Variants in CPB1 observed in about 807,000 individuals in gnomAD.
CPB1 encodes the protein carboxypeptidase B.
Under a neutral mutation model 51.4 loss-of-function variants are expected in CPB1, and 53 were observed. That is an observed-to-expected ratio of 1.03 (90% CI 0.83 to 1.30). CPB1 has a LOEUF of 1.30. Among genes scored for constraint, CPB1 ranks in the 50% most tolerant of loss-of-function variants. CPB1 has a pLI of 0.00. For missense variants in CPB1, 494 were observed against 516.2 expected (o/e 0.96, Z 0.42); for synonymous variants, 189 against 186.9 (o/e 1.01, Z -0.09).
intron 10 of CPB1, among the ~76,000 whole-genome samples, chr3:148,858,067 G>A (rs1417528701): frequency 1.3e-5 from 2 of 152,126 alleles, no homozygotes; most frequent in African/African-American, 4.8e-5. Context: ...AGGAAGGAGG[G>A]AGATCAGGGC....
intron 2 of CPB1, among the ~76,000 whole-genome samples, chr3:148,831,543 A>T (rs1712738788): frequency 6.6e-6 from 1 of 152,098 alleles, no homozygotes; most frequent in South Asian, 2.1e-4. Flanking sequence ...TCCTGGAAAA[A>T]TTTCAGGTTG....
At position 148,834,601 on chromosome 3, in the gene CPB1, A is replaced by G. The variant is rs1018254136; in HGVS notation, c.251A>G (p.Lys84Arg). ...ACTGTCACTGTGGAGAATGTTCTAA[A>G]GCAGAATGAACTACAATACAAGTAA... is the stretch of plus-strand genomic sequence containing the variant. ...EDTVTVENVLKQNELQYKVLI... is the reference protein window; with the variant it reads ...EDTVTVENVLRQNELQYKVLI... The change falls in exon 3 of 11, where the codon AAG becomes AGG. Residue 84 changes from lysine (K) to arginine (R), a missense_variant. Coordinates refer to ENST00000282957, the MANE Select transcript of CPB1 (RefSeq NM_001871.3). 1 of 1,611,568 alleles carries G rather than the reference A, an allele frequency of 6.2e-7. No individual in the cohort carries two copies. Among genetic ancestry groups the G allele is most frequent in the African/African-American group, 1.3e-5 (1 of 75,018 alleles).
At chr3:148,858,172 A>G (rs1030050282) in intron 10 of CPB1, among the ~76,000 whole-genome samples, 2 of 152,194 alleles carry the variant, frequency 1.3e-5, no homozygotes, top group Non-Finnish European at 2.9e-5. Context: ...GCACAAGGAA[A>G]GAACACACCC....
At chr3:148,839,566 T>C (rs1713015476) in intron 3 of CPB1, among the ~76,000 whole-genome samples, 1 of 152,216 alleles carries the variant, frequency 6.6e-6, no homozygotes, top group Non-Finnish European at 1.5e-5. Flanking sequence ...AGTGTTTATC[T>C]TTTGCTAGGA....
chr3:148,846,856 A>T, intron 9 of CPB1, among the ~76,000 whole-genome samples: 1 of 113,932 alleles, frequency 8.8e-6, no homozygotes, highest in African/African-American at 3.2e-5. Context: ...AGCACCGCCA[A>T]GCATTTCAGT....
chr3:148,838,818 A>G (rs1472093683), intron 3 of CPB1, among the ~76,000 whole-genome samples: 2 of 152,240 alleles, frequency 1.3e-5, no homozygotes, highest in Non-Finnish European at 2.9e-5. Flanking sequence ...TCTAAAGCCA[A>G]TTTATGAGTT....
intron 2 of CPB1, 59 bp from the exon 3 acceptor site, chr3:148,834,439 G>C (rs903433727): frequency 6.7e-7 from 1 of 1,488,168 alleles, no homozygotes; most frequent in African/African-American, 1.4e-5. Flanking sequence ...TAATGTGCTC[G>C]CAGATTATCC....
chr3:148,859,948 G>A lies in CPB1; in HGVS notation c.1200G>A (p.Glu400=), dbSNP rs1253528739. 23 of 1,614,026 alleles carry A rather than the reference G, an allele frequency of 1.4e-5. No homozygotes were observed. The highest frequency in any genetic ancestry group is 1.9e-5 in the Non-Finnish European group (22 of 1,180,006). ...CCCAGATCCGGGCTACCTGCGAGGA[G>A]ACCTTCCTGGCAATCAAGTATGTTG... is the stretch of plus-strand genomic sequence containing the variant. ...PESQIRATCE[E]TFLAIKYVAS... Residue 400 remains glutamate, a synonymous_variant, in exon 11 of 11, where the codon GAG becomes GAA. Transcript: ENST00000282957.
At chr3:148,830,903 G>A (rs1712715351) in intron 2 of CPB1, among the ~76,000 whole-genome samples, 1 of 152,154 alleles carries the variant, frequency 6.6e-6, no homozygotes, top group African/African-American at 2.4e-5. Context: ...CAACATGATT[G>A]AAATGAGATT....
chr3:148,832,041 A>T (rs1328607352), intron 2 of CPB1, among the ~76,000 whole-genome samples: 1 of 152,108 alleles, frequency 6.6e-6, no homozygotes, highest in Non-Finnish European at 1.5e-5. Flanking sequence ...TGTTGTATGT[A>T]TGTTGATAGG....
chr3:148,851,852 G>A (rs930941406), intron 9 of CPB1: 2 of 152,258 alleles, frequency 1.3e-5, no homozygotes, highest in Non-Finnish European at 2.9e-5. Flanking sequence ...GCACTTGAAT[G>A]CCAGGATGAA....
Position 148,834,510 on chromosome 3 carries a change from A to G in CPB1, c.160A>G (p.Lys54Glu), listed in dbSNP as rs745570936. The G allele has an allele frequency of 1.2e-6, 2 of 1,613,646 alleles. No homozygotes were observed. Among genetic ancestry groups the G allele is most frequent in the South Asian group, 1.1e-5 (1 of 91,050 alleles). The change falls in exon 3 of 11, where the codon AAG (lysine) becomes GAG (glutamate). Residue 54 changes from lysine (K) to glutamate (E), a missense_variant. Transcript: ENST00000282957. Reference protein sequence around the residue: ...LASTTQIDFWKPDSVTQIKPH... With the variant: ...LASTTQIDFWEPDSVTQIKPH... ...GTCCTTTATTCAGATTGACTTCTGGAAGCCAGATTCTGTCACACAAATCAA... is the reference window on the plus strand; with the variant it reads ...GTCCTTTATTCAGATTGACTTCTGGGAGCCAGATTCTGTCACACAAATCAA...
intron 3 of CPB1, among the ~76,000 whole-genome samples, chr3:148,839,503 T>C (rs2108014127): frequency 6.6e-6 from 1 of 152,328 alleles, no homozygotes; most frequent in East Asian, 1.9e-4. Flanking sequence ...ACTTTTAAAA[T>C]CTGCATTTTT....
intron 5 of CPB1, among the ~76,000 whole-genome samples, chr3:148,841,428 G>T (rs1279564804): frequency 6.6e-6 from 1 of 152,192 alleles, no homozygotes; most frequent in East Asian, 1.9e-4. Flanking sequence ...GGGAATAAGT[G>T]AGAGAGTAGT....
intron 8 of CPB1, among the ~76,000 whole-genome samples, chr3:148,845,135 C>T (rs1576571141): frequency 6.6e-6 from 1 of 151,924 alleles, no homozygotes; most frequent in East Asian, 1.9e-4. Flanking sequence ...TTAGTTTGTC[C>T]CTTACTTATT....
chr3:148,844,638 C>A (rs9835098), intron 7 of CPB1, 39 bp from the exon 8 acceptor site: 1 of 1,612,104 alleles, frequency 6.2e-7, no homozygotes, highest in East Asian at 2.2e-5. Context: ...ACCAACGCCT[C>A]TCTATTATAT....
At chr3:148,851,640 A>G (rs1713435322) in intron 9 of CPB1, 1 of 152,234 alleles carries the variant, frequency 6.6e-6, no homozygotes, top group South Asian at 2.1e-4. Flanking sequence ...ATTTGTTCTG[A>G]GCTTTGAAGT....
chr3:148,844,098 A>G (rs1301282902), intron 6 of CPB1, among the ~76,000 whole-genome samples: 1 of 152,164 alleles, frequency 6.6e-6, no homozygotes, highest in Admixed American at 6.5e-5. Flanking sequence ...TACTAGAACT[A>G]GTAAGTTCTA....
chr3:148,840,990 C>T lies in CPB1; in HGVS notation c.474+15C>T, dbSNP rs1280345085. On this transcript the variant is annotated intron_variant, in intron 5 of 10. Coordinates refer to ENST00000282957, the MANE Select transcript of CPB1 (RefSeq NM_001871.3). ...ACCTCCTGAAGGTAATCATTTTTAA[C>T]CATGACCTTGCCATGTCTGAGGGCT... 6 of 1,603,500 alleles carry T rather than the reference C, an allele frequency of 3.7e-6. No homozygotes were observed. The South Asian group carries it at 5.5e-5, about 15-fold the overall frequency.
Sources: gnomAD v4.1 joint callset for allele counts (sites outside exome capture counted in the v4.1 genomes callset) on GRCh38, gnomAD v4.1.1 for gene constraint, MANE v1.5 for transcripts, NCBI Gene and HGNC (gene_info 2026-07-23, HGNC 2026-07-21) for gene names.